Variants in PDE10A observed in about 807,000 individuals in gnomAD.
PDE10A encodes the protein phosphodiesterase 10A.
PDE10A carries 39 observed loss-of-function variants against 97.7 expected under a neutral mutation model. The ratio of observed to expected loss-of-function variants is 0.40; its 90% CI spans 0.31 to 0.52. The LOEUF is 0.52. Among genes scored for constraint, PDE10A ranks in the 20% least tolerant of loss-of-function variants. The pLI is 0.56. For synonymous variants in PDE10A, 371 were observed against 376.8 expected (o/e 0.98, Z 0.18); for missense variants, 731 against 1,047.8 (o/e 0.70, Z 4.17).
chr6:165,447,651 G>A (rs1486294992), intron 5 of PDE10A, among the ~76,000 whole-genome samples: 2 of 152,150 alleles, frequency 1.3e-5, no homozygotes, highest in Non-Finnish European at 2.9e-5. Flanking sequence ...CCGAAAAGAA[G>A]TAATATCCAT....
intron 1 of PDE10A, among the ~76,000 whole-genome samples, chr6:165,968,254 C>G (rs537878572): frequency 3.3e-5 from 5 of 152,296 alleles, no homozygotes; most frequent in Admixed American, 1.3e-4. Flanking sequence ...ACCAGCATGC[C>G]TATGCAAAAT....
chr6:165,376,971 G>C (rs529943296), intron 18 of PDE10A, among the ~76,000 whole-genome samples: 5 of 152,254 alleles, frequency 3.3e-5, no homozygotes, highest in Non-Finnish European at 7.4e-5. Flanking sequence ...TCTATGATTT[G>C]CAACCACCAC....
intron 1 of PDE10A, among the ~76,000 whole-genome samples, chr6:165,849,903 GC>G (rs1780530062): frequency 6.6e-6 from 1 of 152,186 alleles, no homozygotes; most frequent in African/African-American, 2.4e-5. Context: ...TCAATAAGCA[GC>G]CCACGTACTT....
At chr6:165,886,859 A>C (rs1781644681) in intron 1 of PDE10A, among the ~76,000 whole-genome samples, 1 of 152,248 alleles carries the variant, frequency 6.6e-6, no homozygotes, top group African/African-American at 2.4e-5. Flanking sequence ...GCATGAGCTC[A>C]CACTGGGAAG....
In PDE10A at chr6:165,418,102, G is replaced by A. The variant is rs10455956; in HGVS notation, c.1796+533C>T. On this transcript the variant is annotated intron_variant, in intron 11 of 21. Coordinates refer to ENST00000539869, the MANE Select transcript of PDE10A (RefSeq NM_001385079.1). The surrounding 1 kb of genome is among the most constrained non-coding windows in gnomAD (Gnocchi z 4.8). ...CATTCTGTTCATTTAAGTGACAACGGCTGCCACTTAAAAAAACAAAGACTT... is the reference window on the plus strand; with the variant it reads ...CATTCTGTTCATTTAAGTGACAACGACTGCCACTTAAAAAAACAAAGACTT... Among the ~76,000 whole-genome samples, 435 of 152,202 alleles carry A rather than the reference G, an allele frequency of 2.9e-3. 2 individuals carry two copies. Among genetic ancestry groups the A allele is most frequent in the Non-Finnish European group, 4.5e-3 (305 of 68,018 alleles).
intron 2 of PDE10A, among the ~76,000 whole-genome samples, chr6:165,523,035 T>TA (rs58561410): frequency 0.068 from 10,129 of 148,224 alleles, 588 homozygotes; most frequent in African/African-American, 0.15. Context: ...GCCACAAAAA[T>TA]AAAAAAAAAT....
intron 1 of PDE10A, among the ~76,000 whole-genome samples, chr6:165,906,957 A>T (rs2128485568): frequency 6.6e-6 from 1 of 152,322 alleles, no homozygotes; most frequent in South Asian, 2.1e-4. Flanking sequence ...GAAGGAATGC[A>T]AGTGCTCACA....
At chr6:165,543,700 G>A (rs1783585674) in intron 1 of PDE10A, 132 bp from the exon 2 acceptor site, 2 of 638,906 alleles carry the variant, frequency 3.1e-6, no homozygotes, top group Non-Finnish European at 5.0e-6. Context: ...GGAAAGAGCG[G>A]GAAGGGGAAG....
Position 165,943,234 on chromosome 6 carries a change from AGAAGGAAGGAAGGAAGGAAG to A in PDE10A, c.-615+44275_-615+44294del, listed in dbSNP as rs1192602938. 1.4e-3 allele frequency among the ~76,000 whole-genome samples: 48 copies of A among 34,040 alleles called. 1 individual carries two copies. Among genetic ancestry groups the A allele is most frequent in the Non-Finnish European group, 1.6e-3 (28 of 17,810 alleles). 22.3% of individuals were successfully genotyped at this position (34,040 alleles called of 152,430 possible). A position where few individuals can be genotyped will look rare whatever the true frequency, so the allele number is the denominator to read the frequency against. ...AAGAAAGAAAGAAAGAAAGAAAGAA[AGAAGGAAGGAAGGAAGGAAG>A]GAAGGAAGGAAGGAAGGAAGGAAAG... On this transcript the variant is annotated intron_variant, in intron 1 of 19. Transcript: ENST00000366882.
At chr6:165,531,964 C>G (rs1035523612) in intron 2 of PDE10A, among the ~76,000 whole-genome samples, 1 of 152,146 alleles carries the variant, frequency 6.6e-6, no homozygotes, top group Non-Finnish European at 1.5e-5. Context: ...TACCTCATAG[C>G]ATACCACATC....
chr6:165,883,090 G>A (rs1327979746), intron 1 of PDE10A, among the ~76,000 whole-genome samples: 1 of 152,194 alleles, frequency 6.6e-6, no homozygotes, highest in Admixed American at 6.5e-5. Flanking sequence ...ACAAAAATTA[G>A]TCGGGTGCAG....
At chr6:165,398,555 T>C (rs1786373468) in intron 13 of PDE10A, among the ~76,000 whole-genome samples, 1 of 152,168 alleles carries the variant, frequency 6.6e-6, no homozygotes, top group African/African-American at 2.4e-5. Flanking sequence ...TATATTTTTG[T>C]TTCCTAACTA....
At chr6:165,929,042 G>T (rs1258036434) in intron 1 of PDE10A, among the ~76,000 whole-genome samples, 1 of 152,154 alleles carries the variant, frequency 6.6e-6, no homozygotes, top group Non-Finnish European at 1.5e-5. Context: ...GCCTCTTGGA[G>T]CTTCTGACTC....
intron 2 of PDE10A, among the ~76,000 whole-genome samples, chr6:165,517,133 A>C (rs540094222): frequency 1.3e-5 from 2 of 152,352 alleles, no homozygotes; most frequent in African/African-American, 4.8e-5. Flanking sequence ...ATAAGATATT[A>C]GAAACTTAGT....
chr6:165,787,013 T>C (rs990890101), intron 1 of PDE10A, among the ~76,000 whole-genome samples: 1 of 152,200 alleles, frequency 6.6e-6, no homozygotes, highest in Non-Finnish European at 1.5e-5. Context: ...ATTAAATATA[T>C]TCTTTAGCGG....
In PDE10A at chr6:165,632,009, T is replaced by C. The variant is rs191058784; in HGVS notation, c.865+29938A>G. On this transcript the variant is annotated intron_variant, in intron 1 of 21. Coordinates refer to ENST00000539869, the MANE Select transcript of PDE10A (RefSeq NM_001385079.1). ...TGAGGTCAGGAGTTTGAGACCAGCC[T>C]GACCAACATGGTGAAACTCTGCCTT... Among the ~76,000 whole-genome samples, 76 of 152,040 alleles carry C rather than the reference T, an allele frequency of 5.0e-4. No individual in the cohort carries two copies. The East Asian group carries it at 0.015, about 29-fold the overall frequency.
chr6:165,606,011 C>T (rs74638094), intron 1 of PDE10A, among the ~76,000 whole-genome samples: 2,382 of 152,128 alleles, frequency 0.016, 52 homozygotes, highest in African/African-American at 0.051. Flanking sequence ...TCTTTTGATC[C>T]TCAGACCTAG....
chr6:165,466,197 T>A (rs539653031), intron 3 of PDE10A, among the ~76,000 whole-genome samples: 2 of 152,210 alleles, frequency 1.3e-5, no homozygotes, highest in Non-Finnish European at 2.9e-5. Flanking sequence ...TATAAATTAA[T>A]GAATCTCATT....
chr6:165,644,421 T>C (rs1382118348), intron 1 of PDE10A, among the ~76,000 whole-genome samples: 1 of 152,128 alleles, frequency 6.6e-6, no homozygotes, highest in Non-Finnish European at 1.5e-5. Flanking sequence ...TGCCCATGCA[T>C]CCTCTTGGAA....
Sources: gnomAD v4.1 joint callset for allele counts (sites outside exome capture counted in the v4.1 genomes callset) on GRCh38, gnomAD v4.1.1 for gene constraint, Gnocchi (gnomAD v3.1) non-coding constraint, MANE v1.5 for transcripts, NCBI Gene and HGNC (gene_info 2026-07-23, HGNC 2026-07-21) for gene names.